Variants in MAST4 observed in about 807,000 individuals in gnomAD.
The protein encoded by MAST4 is microtubule-associated serine/threonine-protein kinase 4.
In MAST4, 89 loss-of-function variants were observed where a neutral mutation model predicts 162.7. The ratio of observed to expected loss-of-function variants is 0.55; its 90% CI spans 0.46 to 0.65. MAST4 has a LOEUF of 0.65. Ranked by LOEUF, MAST4 falls within the 30% of genes least tolerant of loss-of-function variation. MAST4 has a pLI of 0.00. For missense variants in MAST4, 3,153 were observed against 3,374.0 expected (o/e 0.93, Z 1.62); for synonymous variants, 1,479 against 1,361.1 (o/e 1.09, Z -1.91).
rs183400928 is a variant in MAST4, at chr5:67,159,182, T to C, written c.3649-1274T>C. 2.1e-3 allele frequency among the ~76,000 whole-genome samples: 323 copies of C among 152,338 alleles called. 5 individuals are homozygous for C. The highest frequency in any genetic ancestry group is 7.2e-3 in the African/African-American group (299 of 41,570). Reference sequence around the variant, plus strand: ...AAAGGGAAAATTTTTCCAAATTATATAATGTGCAATGAAAAAGCAACATAA... The same window carrying C: ...AAAGGGAAAATTTTTCCAAATTATACAATGTGCAATGAAAAAGCAACATAA... On this transcript the variant is annotated intron_variant, in intron 26 of 28. Coordinates refer to ENST00000403625, the MANE Select transcript of MAST4 (RefSeq NM_001164664.2).
intron 4 of MAST4, among the ~76,000 whole-genome samples, chr5:66,998,197 C>T (rs990683167): frequency 1.3e-5 from 2 of 152,192 alleles, no homozygotes; most frequent in African/African-American, 2.4e-5. Context: ...ACCAAATTGA[C>T]ACTTCTTATA....
At chr5:67,008,201 A>G (rs1752271971) in intron 4 of MAST4, among the ~76,000 whole-genome samples, 1 of 152,248 alleles carries the variant, frequency 6.6e-6, no homozygotes, top group African/African-American at 2.4e-5. Flanking sequence ...AAACCTAGGC[A>G]TAAATGAAGA....
chr5:67,103,882 A>T (rs941134000), intron 9 of MAST4, among the ~76,000 whole-genome samples: 7 of 152,232 alleles, frequency 4.6e-5, no homozygotes, highest in African/African-American at 1.7e-4. Context: ...CAATTCACAG[A>T]TACAATCTGA....
chr5:66,996,164 G>C (rs1454488590), intron 4 of MAST4, among the ~76,000 whole-genome samples: 1 of 151,764 alleles, frequency 6.6e-6, no homozygotes, highest in Admixed American at 6.6e-5. Context: ...GTGTAATCCC[G>C]GCTACTCGGG....
chr5:67,003,324 C>T (rs1167818093), intron 4 of MAST4, among the ~76,000 whole-genome samples: 5 of 152,036 alleles, frequency 3.3e-5, no homozygotes, highest in Admixed American at 6.6e-5. Flanking sequence ...GAGGAGATAA[C>T]GCATACGAAA....
At chr5:66,798,853 A>G (rs1455389690) in intron 3 of MAST4, among the ~76,000 whole-genome samples, 2 of 152,046 alleles carry the variant, frequency 1.3e-5, no homozygotes, top group East Asian at 1.9e-4. Context: ...TTGTACGGGT[A>G]TTTCTTTCCT....
chr5:66,788,642 T>G, intron 2 of MAST4, 28 bp from the exon 3 acceptor site: 1 of 1,249,128 alleles, frequency 8.0e-7, no homozygotes, highest in East Asian at 4.7e-5. Context: ...GCCTGTCACT[T>G]ACATTTTCTT....
intron 4 of MAST4, among the ~76,000 whole-genome samples, chr5:66,950,522 T>C (rs921001563): frequency 6.6e-6 from 1 of 152,076 alleles, no homozygotes; most frequent in African/African-American, 2.4e-5. Context: ...CTACCCAGAG[T>C]AGCTAGCATA....
intron 3 of MAST4, among the ~76,000 whole-genome samples, chr5:66,818,479 T>A (rs1197935563): frequency 2.0e-5 from 3 of 152,152 alleles, no homozygotes; most frequent in Non-Finnish European, 2.9e-5. Context: ...CCTTGTAGTT[T>A]AAACATTGTA....
At chr5:67,080,979 T>TATATATAATTGTATATATAATATAATATA (rs1762536706) in intron 5 of MAST4, among the ~76,000 whole-genome samples, 1 of 119,024 alleles carries the variant, frequency 8.4e-6, no homozygotes, top group African/African-American at 3.6e-5. Flanking sequence ...TATTATATAA[T>TATATATAATTGTATATATAATATAATATA]ATATATAATT....
chr5:67,076,724 G>A (rs1761696792), intron 5 of MAST4, among the ~76,000 whole-genome samples: 1 of 152,118 alleles, frequency 6.6e-6, no homozygotes, highest in Non-Finnish European at 1.5e-5. Context: ...AGACATCGAA[G>A]CTCATTTTTT....
At chr5:66,654,853 G>A (rs1561240942) in intron 1 of MAST4, among the ~76,000 whole-genome samples, 1 of 152,136 alleles carries the variant, frequency 6.6e-6, no homozygotes, top group Non-Finnish European at 1.5e-5. Context: ...TTGGTTAGTG[G>A]CCAACAAGTG....
Position 67,165,373 on chromosome 5 carries a change from G to A in MAST4, c.6194G>A (p.Gly2065Glu), listed in dbSNP as rs1264602248. The A allele has an allele frequency of 3.1e-6, 5 of 1,613,606 alleles. No homozygotes were observed. The African/African-American group carries it at 5.3e-5, about 17-fold the overall frequency. The change falls in exon 29 of 29, where the codon GGA (glycine) becomes GAA (glutamate). Residue 2065 changes from glycine to glutamate, a missense_variant. By Grantham distance (98) the Gly-to-Glu change is moderately conservative (BLOSUM62 -2). Around this residue, in one of 7 missense-constraint regions of MAST4, gnomAD observed 1,644 missense variants for 1,495.0 expected, o/e 1.10. Coordinates refer to ENST00000403625, the MANE Select transcript of MAST4 (RefSeq NM_001164664.2). ...PRDNSSLHSA[G>E]IPCEKELGKV... ...GACAACTCCTCTCTGCACTCAGCTGGAATTCCCTGTGAGAAGGAGCTGGGC... is the reference window on the plus strand; with the variant it reads ...GACAACTCCTCTCTGCACTCAGCTGAAATTCCCTGTGAGAAGGAGCTGGGC...
At chr5:66,676,804 G>A (rs1747977948) in intron 1 of MAST4, among the ~76,000 whole-genome samples, 1 of 152,184 alleles carries the variant, frequency 6.6e-6, no homozygotes, top group African/African-American at 2.4e-5. Flanking sequence ...GACTGATCAA[G>A]GAAATTCTAA....
intron 1 of MAST4, among the ~76,000 whole-genome samples, chr5:66,674,649 T>C (rs1487416899): frequency 6.6e-6 from 1 of 152,160 alleles, no homozygotes; most frequent in African/African-American, 2.4e-5. Context: ...GTAGATGGAA[T>C]TGCTGAGCTT....
intron 1 of MAST4, among the ~76,000 whole-genome samples, chr5:66,753,386 A>G (rs1270733840): frequency 1.3e-5 from 2 of 151,702 alleles, no homozygotes; most frequent in African/African-American, 4.8e-5. Flanking sequence ...AGGATCAACA[A>G]AATTGATAGA....
rs774187485 is a variant in MAST4, at chr5:66,788,712, C to T, written c.560C>T (p.Pro187Leu). 2.1e-5 allele frequency: 34 copies of T among 1,613,546 alleles called. No homozygotes were observed. Among genetic ancestry groups the T allele is most frequent in the East Asian group, 4.5e-5 (2 of 44,842 alleles). The change falls in exon 3 of 29, where the codon CCG (proline) becomes CTG (leucine). Residue 187 changes from proline to leucine, a missense_variant. Around this residue, in one of 7 missense-constraint regions of MAST4, gnomAD observed 327 missense variants for 336.5 expected, o/e 0.97. Transcript: ENST00000403625. ...AACCCGGTGGCGGGACAGGCCTGGC[C>T]GGCCTCTGCAGAGACGTCCAACCTC... ...LPNPVAGQAW[P>L]ASAETSNLVR... is the part of the protein sequence containing the mutation.
intron 5 of MAST4, among the ~76,000 whole-genome samples, chr5:67,080,257 T>C (rs1198555189): frequency 6.6e-6 from 1 of 152,234 alleles, no homozygotes; most frequent in African/African-American, 2.4e-5. Flanking sequence ...CCAAATGATT[T>C]AAAAATTTTA....
intron 1 of MAST4, among the ~76,000 whole-genome samples, chr5:66,730,378 C>T (rs1200782620): frequency 6.6e-6 from 1 of 151,996 alleles, no homozygotes; most frequent in Admixed American, 6.6e-5. Context: ...TTATACATTC[C>T]CCCCAACCCC....
Sources: gnomAD v4.1 joint callset for allele counts (sites outside exome capture counted in the v4.1 genomes callset) on GRCh38, gnomAD v4.1.1 for gene constraint, gnomAD v4.1.1 regional missense constraint, MANE v1.5 for transcripts, NCBI Gene and HGNC (gene_info 2026-07-23, HGNC 2026-07-21) for gene names.